Variants in DISC1 observed in about 807,000 individuals in gnomAD.
DISC1 encodes the protein DISC1 scaffold protein.
In DISC1, 57 loss-of-function variants were observed where a neutral mutation model predicts 84.5. The observed-to-expected ratio is 0.67, with a 90% CI of 0.55 to 0.84. The LOEUF is 0.84. Among genes scored for constraint, DISC1 ranks in the 40% least tolerant of loss-of-function variants. The pLI is 0.00. For missense variants in DISC1, 1,000 were observed against 1,057.8 expected, an observed-to-expected ratio of 0.95 and a Z score of 0.76; for synonymous variants, 411 against 415.2, an observed-to-expected ratio of 0.99 and a Z score of 0.12.
chr1:231,939,079 C>T (rs922828134), intron 9 of DISC1, among the ~76,000 whole-genome samples: 1 of 152,214 alleles, frequency 6.6e-6, no homozygotes. Context: ...TGCTTATCAG[C>T]ATCAGTGTAT....
chr1:231,781,098 A>AC (rs2077387982), intron 6 of DISC1, among the ~76,000 whole-genome samples: 1 of 148,758 alleles, frequency 6.7e-6, no homozygotes, highest in Admixed American at 6.8e-5. Context: ...AGCATGGCAC[A>AC]TGTATATATA....
At chr1:231,663,324 G>A (rs78519011) in intron 1 of DISC1, among the ~76,000 whole-genome samples, 7,155 of 152,176 alleles carry the variant, frequency 0.047, 187 homozygotes, top group Middle Eastern at 0.085. Flanking sequence ...CGAAGCAAAT[G>A]TTGACAGAAA....
At chr1:231,771,664 A>G in intron 6 of DISC1, 1 of 873,648 alleles carries the variant, frequency 1.1e-6, no homozygotes, top group African/African-American at 1.8e-5. Context: ...CCTAATTAAT[A>G]AGAGAGAAAA....
Position 231,846,135 on chromosome 1 carries a change from G to C in DISC1, c.1981+27618G>C, listed in dbSNP as rs74481371. Among the ~76,000 whole-genome samples, 1,036 of 152,312 alleles carry C rather than the reference G, an allele frequency of 6.8e-3. 13 individuals are homozygous for C. The highest frequency in any genetic ancestry group is 0.023 in the African/African-American group (973 of 41,560). On this transcript the variant is annotated intron_variant, in intron 9 of 12. Transcript: ENST00000439617. ...TGGGAGGACACTGACTGCTTGGGTA[G>C]GGGTGGGGAGTGAGCATCCACACTC...
At chr1:231,921,686 T>G (rs1400593654) in intron 9 of DISC1, among the ~76,000 whole-genome samples, 1 of 152,180 alleles carries the variant, frequency 6.6e-6, no homozygotes, top group Non-Finnish European at 1.5e-5. Flanking sequence ...TATTGAGGTA[T>G]GCTGGACAAA....
chr1:231,927,510 A>G (rs753377383), intron 9 of DISC1, among the ~76,000 whole-genome samples: 2 of 152,146 alleles, frequency 1.3e-5, no homozygotes, highest in African/African-American at 4.8e-5. Flanking sequence ...CTCCTGTGTC[A>G]TGTAGTTCTC....
chr1:231,795,188 G>T (rs2078661251), intron 6 of DISC1, 54 bp from the exon 7 acceptor site: 5 of 1,520,794 alleles, frequency 3.3e-6, no homozygotes, highest in South Asian at 1.1e-5. Context: ...TAACTGTAGT[G>T]GTATTGAATT....
chr1:231,800,479 T>A (rs995549917), intron 8 of DISC1, among the ~76,000 whole-genome samples: 5 of 152,150 alleles, frequency 3.3e-5, no homozygotes, highest in Admixed American at 1.3e-4. Context: ...CAGATGTGTA[T>A]GTAGCATTGT....
chr1:231,764,927 C>T (rs768872851), intron 4 of DISC1, among the ~76,000 whole-genome samples: 2 of 152,094 alleles, frequency 1.3e-5, no homozygotes, highest in Non-Finnish European at 2.9e-5. Context: ...CTTGGTGGCT[C>T]ATGGCTGTAA....
chr1:231,899,238 C>T (rs1258195221), intron 9 of DISC1, among the ~76,000 whole-genome samples: 2 of 152,176 alleles, frequency 1.3e-5, no homozygotes, highest in African/African-American at 4.8e-5. Context: ...TAGTATGCGT[C>T]AGAGTCACCT....
chr1:231,727,517 C>G (rs1447304162), intron 3 of DISC1, among the ~76,000 whole-genome samples: 1 of 152,150 alleles, frequency 6.6e-6, no homozygotes. Context: ...AATTCCTCCT[C>G]TATTTGACCA....
intron 9 of DISC1, chr1:231,925,859 G>A (rs1027273710): frequency 6.6e-6 from 1 of 152,244 alleles, no homozygotes; most frequent in African/African-American, 2.4e-5. Flanking sequence ...CTGGGAGAGA[G>A]GCACGGAAAA....
chr1:231,778,116 G>A (rs1292869537), intron 6 of DISC1, among the ~76,000 whole-genome samples: 2 of 152,180 alleles, frequency 1.3e-5, no homozygotes, highest in African/African-American at 4.8e-5. Flanking sequence ...TGTGCCTAGT[G>A]TTGCCTGATT....
chr1:231,845,656 T>A (rs899559675), intron 9 of DISC1, among the ~76,000 whole-genome samples: 4 of 151,850 alleles, frequency 2.6e-5, no homozygotes, highest in Admixed American at 1.3e-4. Flanking sequence ...GAAAGGCAAC[T>A]GGGTTCGGGA....
At chr1:231,711,008 G>T (rs1466883334) in intron 3 of DISC1, among the ~76,000 whole-genome samples, 2 of 152,118 alleles carry the variant, frequency 1.3e-5, no homozygotes, top group African/African-American at 4.8e-5. Flanking sequence ...GTCATATGTA[G>T]ACATTTGATT....
intron 9 of DISC1, chr1:231,866,429 A>G (rs2085058597): frequency 1.4e-6 from 1 of 699,448 alleles, no homozygotes; most frequent in Admixed American, 2.2e-5. Context: ...ATTAAAAAAA[A>G]TAACATCAAT....
rs1659998803 is a variant in DISC1, at chr1:231,958,896, T to C, written c.2042+8T>C. ...TAAGAATAAACTGTGCAGGTAAGGA[T>C]AATAATTTCTGTATTTCAGACTCCG... is the stretch of plus-strand genomic sequence containing the variant. On this transcript the variant is annotated splice_region_variant and intron_variant, in intron 10 of 12. Transcript: ENST00000439617. 1.6e-5 allele frequency: 25 copies of C among 1,611,078 alleles called. No individual in the cohort carries two copies. Among genetic ancestry groups the C allele is most frequent in the Non-Finnish European group, 2.1e-5 (25 of 1,179,054 alleles).
In DISC1 at chr1:232,009,422, T is replaced by TAATATAGTTATTATATTC; in HGVS notation, c.2307+374_2307+375insATATAGTTATTATATTCA. Reference sequence around the variant, plus strand: ...TGCCATACATGATATTTAACATATATACTATACATTATGTATTGTATGTCA... The same window carrying TAATATAGTTATTATATTC: ...TGCCATACATGATATTTAACATATATAATATAGTTATTATATTCACTATACATTATGTATTGTATGTCA... On this transcript the variant is annotated intron_variant, in intron 11 of 12. Coordinates refer to ENST00000439617, the MANE Select transcript of DISC1 (RefSeq NM_018662.3). The surrounding 1 kb of genome is among the most constrained non-coding windows in gnomAD (Gnocchi z 4.6). The TAATATAGTTATTATATTC allele has an allele frequency of 1.6e-6, 1 of 629,602 alleles. No homozygotes were observed. Among genetic ancestry groups the TAATATAGTTATTATATTC allele is most frequent in the Non-Finnish European group, 2.0e-6 (1 of 503,502 alleles). 39.0% of individuals were successfully genotyped at this position (629,602 alleles called of 1,614,324 possible). A position where few individuals can be genotyped will look rare whatever the true frequency, so the allele number is the denominator to read the frequency against.
At chr1:231,632,280 A>G (rs2058777385) in intron 1 of DISC1, among the ~76,000 whole-genome samples, 2 of 152,246 alleles carry the variant, frequency 1.3e-5, no homozygotes, top group African/African-American at 4.8e-5. Flanking sequence ...TGTGATTGAA[A>G]TAAGTAGCCC....
Sources: gnomAD v4.1 joint callset for allele counts (sites outside exome capture counted in the v4.1 genomes callset) on GRCh38, gnomAD v4.1.1 for gene constraint, Gnocchi (gnomAD v3.1) non-coding constraint, MANE v1.5 for transcripts, NCBI Gene and HGNC (gene_info 2026-07-23, HGNC 2026-07-21) for gene names.